CCNF: variants seen among roughly 807,000 people sequenced by gnomAD.
The protein encoded by CCNF is cyclin-F.
A neutral mutation model predicts 85.4 loss-of-function variants in CCNF; 30 were observed. The ratio of observed to expected loss-of-function variants is 0.35; its 90% CI spans 0.26 to 0.48. The LOEUF is 0.48. Among genes scored for constraint, CCNF ranks in the 20% least tolerant of loss-of-function variants. The pLI is 0.99. For missense variants in CCNF, 919 were observed against 1,010.4 expected, an observed-to-expected ratio of 0.91 and a Z score of 1.23; for synonymous variants, 439 against 425.1, an observed-to-expected ratio of 1.03 and a Z score of -0.40.
intron 11 of CCNF, 81 bp downstream of exon 11, chr16:2,449,059 T>C: frequency 6.5e-7 from 1 of 1,540,966 alleles, no homozygotes; most frequent in East Asian, 2.3e-5. Flanking sequence ...GCTTTCCTGC[T>C]GTGGGAGGGC....
chr16:2,436,023 C>T, intron 4 of CCNF, 150 bp downstream of exon 4: 1 of 554,928 alleles, frequency 1.8e-6, no homozygotes, highest in Non-Finnish European at 3.3e-6. Context: ...AGCTCGTGCC[C>T]AGATGTACCC....
chr16:2,456,948 A>T lies in CCNF; in HGVS notation c.2289A>T (p.Gln763His). Residue 763 changes from glutamine (Q) to histidine (H), a missense_variant, in exon 17 of 17, where the codon CAA becomes CAT. Transcript: ENST00000397066. This position sits in a 1 kb window ranked among gnomAD's most constrained non-coding sequence, Gnocchi z 4.5. ...PSPPESSVPQ[Q>H]QVKRINLCIH... ...CCCCGGAGAGCAGTGTTCCCCAGCA[A>T]CAGGTGAAGCGGATAAACCTATGCA... 1 of 1,613,696 alleles carries T rather than the reference A, an allele frequency of 6.2e-7. No individual in the cohort carries two copies. The highest frequency in any genetic ancestry group is 1.3e-5 in the African/African-American group (1 of 75,050).
In CCNF at chr16:2,450,160, T is replaced by C. The variant is rs140394912; in HGVS notation, c.1487+245T>C. On this transcript the variant is annotated intron_variant, in intron 13 of 16. Coordinates refer to ENST00000397066, the MANE Select transcript of CCNF (RefSeq NM_001761.3). ...AAGCAGAGGTTGCAGTGAGTTGATA[T>C]CACGTCACTGGACTCCAGCCTGGGT... is the stretch of plus-strand genomic sequence containing the variant. Among the ~76,000 whole-genome samples, 16 of 150,800 alleles carry C rather than the reference T, an allele frequency of 1.1e-4. 1 individual carries two copies. In the East Asian group the frequency reaches 2.4e-3, roughly 22 times the overall value.
Position 2,438,083 on chromosome 16 carries a change from C to T in CCNF, c.554C>T (p.Ser185Phe), listed in dbSNP as rs1402632112. The T allele has an allele frequency of 5.0e-6, 8 of 1,611,006 alleles. No homozygotes were observed. Among genetic ancestry groups the T allele is most frequent in the Non-Finnish European group, 6.8e-6 (8 of 1,177,364 alleles). The change falls in exon 6 of 17, where the codon TCC becomes TTC. Residue 185 changes from serine (S) to phenylalanine (F), a missense_variant. Around this residue, in one of 3 missense-constraint regions of CCNF, gnomAD observed 410 missense variants for 478.6 expected, o/e 0.86. Transcript: ENST00000397066. ...CTTTTTTTAAAGACTCACAAAGCATCCATATTGCACTGCTTGGGCAGAGTG... is the reference window on the plus strand; with the variant it reads ...CTTTTTTTAAAGACTCACAAAGCATTCATATTGCACTGCTTGGGCAGAGTG... The part of the protein sequence containing the change: ...ECQLQRTHKA[S>F]ILHCLGRVLS...
intron 6 of CCNF, 86 bp downstream of exon 6, chr16:2,438,209 G>A: frequency 1.9e-6 from 2 of 1,061,994 alleles, no homozygotes; most frequent in East Asian, 2.4e-5. Context: ...GCAGAAGGGG[G>A]TGTCCAAGGC....
intron 7 of CCNF, 83 bp downstream of exon 7, chr16:2,439,540 C>T: frequency 2.8e-6 from 3 of 1,079,334 alleles, no homozygotes; most frequent in Non-Finnish European, 4.1e-6. Context: ...CGTTTCTGTC[C>T]ACAAAAGGGA....
chr16:2,431,546 G>A (rs1270456833), intron 2 of CCNF, among the ~76,000 whole-genome samples: 4 of 151,796 alleles, frequency 2.6e-5, no homozygotes, highest in African/African-American at 9.7e-5. Flanking sequence ...CGGGCGTGGT[G>A]TCTCACGCCT....
rs927292155 is a variant in CCNF, at chr16:2,451,029, G to A, written c.1487+1114G>A. Among the ~76,000 whole-genome samples the A allele has an allele frequency of 1.3e-5, 2 of 152,080 alleles. No individual in the cohort carries two copies. The highest frequency in any genetic ancestry group is 2.4e-5 in the African/African-American group (1 of 41,412). ...TCCCTCCACCTGCCCCGGCCCCTCC[G>A]CCCTTCTCTCTGGTGAGCCTGGCCC... is the stretch of plus-strand genomic sequence containing the variant. On this transcript the variant is annotated intron_variant, in intron 13 of 16. Coordinates refer to ENST00000397066, the MANE Select transcript of CCNF (RefSeq NM_001761.3). This position sits in a 1 kb window ranked among gnomAD's most constrained non-coding sequence, Gnocchi z 4.3.
Position 2,451,318 on chromosome 16 carries a change from T to C in CCNF, c.1487+1403T>C, listed in dbSNP as rs2065394129. Among the ~76,000 whole-genome samples, 1 of 151,930 alleles carries C rather than the reference T, an allele frequency of 6.6e-6. No homozygotes were observed. Among genetic ancestry groups the C allele is most frequent in the African/African-American group, 2.4e-5 (1 of 41,334 alleles). On this transcript the variant is annotated intron_variant, in intron 13 of 16. Coordinates refer to ENST00000397066, the MANE Select transcript of CCNF (RefSeq NM_001761.3). The surrounding 1 kb of genome is among the most constrained non-coding windows in gnomAD (Gnocchi z 4.3). The stretch of plus-strand genomic sequence containing the variant: ...GAGTCCAGGGCAAAGGGGGCAGCCA[T>C]GCCAGGGCCCAGTGCAGACCAGTGG...
rs1424840082 is a variant in CCNF, at chr16:2,451,927, C to A, written c.1488-1283C>A. Among the ~76,000 whole-genome samples, 2 of 152,214 alleles carry A rather than the reference C, an allele frequency of 1.3e-5. No homozygotes were observed. Among genetic ancestry groups the A allele is most frequent in the South Asian group, 2.1e-4 (1 of 4,830 alleles). On this transcript the variant is annotated intron_variant, in intron 13 of 16. Coordinates refer to ENST00000397066, the MANE Select transcript of CCNF (RefSeq NM_001761.3). The surrounding 1 kb of genome is among the most constrained non-coding windows in gnomAD (Gnocchi z 4.3). ...CATCTCAACCTTGACCTGCCACCCC[C>A]CTGCCAGCGTGACTCAGCCAACGGC...
intron 8 of CCNF, among the ~76,000 whole-genome samples, chr16:2,443,015 A>G (rs1464934421): frequency 8.8e-6 from 1 of 114,104 alleles, no homozygotes; most frequent in East Asian, 2.2e-4. Context: ...ATATAATTAT[A>G]TTATATGTTC....
At chr16:2,445,336 TA>T (rs1315827361) in intron 9 of CCNF, 121 bp from the exon 10 acceptor site, 3 of 1,174,592 alleles carry the variant, frequency 2.6e-6, no homozygotes, top group Non-Finnish European at 3.7e-6. Context: ...GGTTCCAGGG[TA>T]AACCCATGAT....
intron 13 of CCNF, among the ~76,000 whole-genome samples, chr16:2,450,326 CTG>C (rs1413394694): frequency 4.2e-5 from 5 of 118,212 alleles, no homozygotes; most frequent in African/African-American, 1.8e-4. Flanking sequence ...TGGCAAAACC[CTG>C]TCTCTACTAA....
At chr16:2,445,694 A>G (rs767697648) in intron 10 of CCNF, 72 bp downstream of exon 10, 29 of 1,335,172 alleles carry the variant, frequency 2.2e-5, no homozygotes, top group Non-Finnish European at 2.9e-5. Context: ...CCTGCCCTTC[A>G]TGTGCTCCTC....
chr16:2,449,101 G>T, intron 11 of CCNF, 123 bp downstream of exon 11: 1 of 1,488,024 alleles, frequency 6.7e-7, no homozygotes, highest in Non-Finnish European at 9.3e-7. Context: ...TGTCTCTGCT[G>T]TGCCCAAAGC....
At chr16:2,450,613 T>C (rs562221447) in intron 13 of CCNF, among the ~76,000 whole-genome samples, 10 of 152,148 alleles carry the variant, frequency 6.6e-5, no homozygotes, top group African/African-American at 2.4e-4. Context: ...CAGAACATAC[T>C]AGAAAAAATG....
intron 15 of CCNF, among the ~76,000 whole-genome samples, chr16:2,454,232 CCT>C (rs2065411888): frequency 6.6e-6 from 1 of 152,192 alleles, no homozygotes; most frequent in East Asian, 1.9e-4. Context: ...TGGCAGGAGA[CCT>C]CAACTCCTGG....
intron 1 of CCNF, among the ~76,000 whole-genome samples, chr16:2,430,331 T>G (rs1204743919): frequency 6.6e-6 from 1 of 152,076 alleles, no homozygotes; most frequent in Non-Finnish European, 1.5e-5. Context: ...AAATAAGGGC[T>G]AAGGTCATCT....
In CCNF at chr16:2,453,941, C is replaced by T. The variant is rs1035409878; in HGVS notation, c.1715+404C>T. On this transcript the variant is annotated intron_variant, in intron 15 of 16. Transcript: ENST00000397066. The surrounding 1 kb of genome is among the most constrained non-coding windows in gnomAD (Gnocchi z 5.6). ...CATCCCCAGCACTTCCCTCGCCACC[C>T]GTGTGGACCTGTTTACCCGCCTCTC... is the stretch of plus-strand genomic sequence containing the variant. 1.5e-4 allele frequency among the ~76,000 whole-genome samples: 23 copies of T among 152,178 alleles called. No homozygotes were observed. The highest frequency in any genetic ancestry group is 4.6e-4 in the African/African-American group (19 of 41,430).
Sources: allele counts gnomAD v4.1 joint callset (sites outside exome capture counted in the v4.1 genomes callset), GRCh38; gene constraint gnomAD v4.1.1; regional missense constraint gnomAD v4.1.1; non-coding constraint Gnocchi (gnomAD v3.1); transcripts MANE v1.5; gene names NCBI Gene and HGNC (gene_info 2026-07-23, HGNC 2026-07-21).